The following CNTN3 variants were observed in gnomAD, a reference collection of about 807,000 sequenced individuals.
CNTN3 encodes contactin 3, also known as contactin-3.
A neutral mutation model predicts 119.1 loss-of-function variants in CNTN3; 60 were observed. That is an observed-to-expected ratio of 0.50 (90% CI 0.41 to 0.62). The LOEUF (loss-of-function observed/expected upper bound fraction) is 0.62. CNTN3 is among the 20% of genes least tolerant of loss of function. The pLI, the probability that CNTN3 is intolerant of heterozygous loss-of-function variation, is 0.00. For missense variants in CNTN3, 1,101 were observed against 1,242.4 expected (o/e 0.89, Z 1.71); for synonymous variants, 450 against 438.7 (o/e 1.03, Z -0.32).
chr3:74,406,687 A>G (rs1182571903), intron 5 of CNTN3, among the ~76,000 whole-genome samples: 5 of 152,128 alleles, frequency 3.3e-5, no homozygotes, highest in Admixed American at 6.6e-5. Flanking sequence ...TCCTTCATCC[A>G]GATACTTTAC....
chr3:74,605,022 G>A (rs1704968158), intron 1 of CNTN3, among the ~76,000 whole-genome samples: 1 of 152,132 alleles, frequency 6.6e-6, no homozygotes. Flanking sequence ...AGGACATTCT[G>A]TAAAGTGAAA....
At chr3:74,423,327 A>T (rs1701646045) in intron 5 of CNTN3, among the ~76,000 whole-genome samples, 1 of 152,240 alleles carries the variant, frequency 6.6e-6, no homozygotes, top group Non-Finnish European at 1.5e-5. Flanking sequence ...ACAGGAAGTT[A>T]TGGATTAAAT....
intron 5 of CNTN3, among the ~76,000 whole-genome samples, chr3:74,380,146 A>T (rs1415014312): frequency 6.6e-6 from 1 of 152,350 alleles, no homozygotes; most frequent in South Asian, 2.1e-4. Context: ...TTTCAGTATC[A>T]AAATGTACCT....
intron 12 of CNTN3, among the ~76,000 whole-genome samples, 193 bp downstream of exon 12, chr3:74,336,338 C>A (rs552032226): frequency 5.3e-5 from 8 of 152,198 alleles, no homozygotes; most frequent in African/African-American, 9.6e-5. Context: ...CTAATGTGCT[C>A]CCTGGTGCAC....
intron 19 of CNTN3, among the ~76,000 whole-genome samples, chr3:74,288,007 T>C (rs1404495308): frequency 3.9e-5 from 6 of 152,194 alleles, no homozygotes; most frequent in Admixed American, 6.5e-5. Context: ...TATCTTATTT[T>C]CCCATGTGCA....
intron 1 of CNTN3, among the ~76,000 whole-genome samples, chr3:74,591,507 T>C (rs192617129): frequency 2.8e-4 from 43 of 151,904 alleles, no homozygotes; most frequent in African/African-American, 9.9e-4. Context: ...CAGTACTGTG[T>C]AGGGTGATCT....
intron 4 of CNTN3, among the ~76,000 whole-genome samples, chr3:74,449,012 T>G (rs1325383835): frequency 6.6e-6 from 1 of 152,058 alleles, no homozygotes. Flanking sequence ...AGAATTAATG[T>G]CTCCCAGGTG....
At chr3:74,486,071 A>AC (rs904953900) in intron 4 of CNTN3, among the ~76,000 whole-genome samples, 4 of 143,740 alleles carry the variant, frequency 2.8e-5, no homozygotes, top group African/African-American at 1.0e-4. Flanking sequence ...AAAAGCAAGG[A>AC]CCATCTCTGA....
intron 8 of CNTN3, among the ~76,000 whole-genome samples, chr3:74,366,007 A>G (rs1704177618): frequency 6.6e-6 from 1 of 152,148 alleles, no homozygotes; most frequent in South Asian, 2.1e-4. Context: ...CTATTAGTAG[A>G]CAGTAATACA....
chr3:74,375,886 T>C (rs1174641453), intron 5 of CNTN3, among the ~76,000 whole-genome samples: 1 of 152,088 alleles, frequency 6.6e-6, no homozygotes, highest in African/African-American at 2.4e-5. Context: ...TCAAGAGCAA[T>C]AGGGAAGTAA....
intron 1 of CNTN3, among the ~76,000 whole-genome samples, chr3:74,531,787 T>G (rs946554768): frequency 6.6e-6 from 1 of 151,598 alleles, no homozygotes; most frequent in Non-Finnish European, 1.5e-5. Context: ...TGCAAGAGAG[T>G]GACAACATTC....
intron 1 of CNTN3, among the ~76,000 whole-genome samples, chr3:74,530,386 A>G (rs1479095878): frequency 6.6e-6 from 1 of 151,954 alleles, no homozygotes; most frequent in African/African-American, 2.4e-5. Flanking sequence ...AGTTGTCCAG[A>G]GACTGAGTAG....
chr3:74,311,990 C>G (rs893650750), intron 13 of CNTN3, among the ~76,000 whole-genome samples: 2 of 152,014 alleles, frequency 1.3e-5, no homozygotes, highest in Admixed American at 1.3e-4. Flanking sequence ...AAAAACTCCA[C>G]GAAGAGCCAA....
At chr3:74,501,450 G>A (rs943528179) in intron 2 of CNTN3, among the ~76,000 whole-genome samples, 2 of 152,000 alleles carry the variant, frequency 1.3e-5, no homozygotes, top group African/African-American at 4.8e-5. Context: ...AAACCTTCCA[G>A]ACTCTGCCCC....
At position 74,305,556 on chromosome 3, in the gene CNTN3, C is replaced by T. The variant is rs80110269; in HGVS notation, c.1669-2749G>A. ...AGTGGAATAATCATTTAACAAAATG[C>T]TATTAGGCCACAAAAATGAATGAAC... On this transcript the variant is annotated intron_variant, in intron 13 of 22. Transcript: ENST00000263665. Among the ~76,000 whole-genome samples, 1,293 of 152,044 alleles carry T rather than the reference C, an allele frequency of 8.5e-3. 22 individuals are homozygous for T. Among genetic ancestry groups the T allele is most frequent in the South Asian group, 0.083 (400 of 4,824 alleles).
At chr3:74,556,972 GT>G (rs1704078674) in intron 1 of CNTN3, among the ~76,000 whole-genome samples, 1 of 152,110 alleles carries the variant, frequency 6.6e-6, no homozygotes, top group Non-Finnish European at 1.5e-5. Flanking sequence ...CCTTTGTCCA[GT>G]TTTCAACAGG....
At position 74,528,226 on chromosome 3, in the gene CNTN3, G is replaced by A. The variant is rs190435501; in HGVS notation, c.-80-7034C>T. On this transcript the variant is annotated intron_variant, in intron 1 of 22. Transcript: ENST00000263665. ...AAAATTATTCCAGACCTCCTTGTAC[G>A]ATAATGAAGAATGTACCTTTCCTAA... is the stretch of plus-strand genomic sequence containing the variant. 3.9e-3 allele frequency among the ~76,000 whole-genome samples: 586 copies of A among 151,788 alleles called. 5 individuals are homozygous for A. The highest frequency in any genetic ancestry group is 0.014 in the African/African-American group (561 of 41,456).
intron 18 of CNTN3, among the ~76,000 whole-genome samples, chr3:74,295,852 C>T (rs987348107): frequency 2.0e-5 from 3 of 152,130 alleles, no homozygotes; most frequent in South Asian, 4.1e-4. Context: ...CAGCTCTGAG[C>T]AGGAATCTCC....
At chr3:74,445,356 A>C (rs1001521848) in intron 4 of CNTN3, among the ~76,000 whole-genome samples, 3 of 152,062 alleles carry the variant, frequency 2.0e-5, no homozygotes, top group Non-Finnish European at 4.4e-5. Context: ...TCCACCTCCC[A>C]GGATCAACCA....
Sources: gnomAD v4.1 joint callset for allele counts (sites outside exome capture counted in the v4.1 genomes callset) on GRCh38, gnomAD v4.1.1 for gene constraint, MANE v1.5 for transcripts, NCBI Gene and HGNC (gene_info 2026-07-23, HGNC 2026-07-21) for gene names.